Variants in FANK1 observed in about 807,000 individuals in gnomAD.
FANK1 encodes fibronectin type III and ankyrin repeat domains 1, also known as fibronectin type 3 and ankyrin repeat domains protein 1.
In FANK1, 44 loss-of-function variants were observed where a neutral mutation model predicts 45.3. The observed-to-expected ratio is 0.97, with a 90% CI of 0.76 to 1.25. The LOEUF (loss-of-function observed/expected upper bound fraction) is 1.25. FANK1 is among the 50% of genes most tolerant of loss of function. The probability of loss-of-function intolerance (pLI) is 0.00; values close to 1 mark genes in which losing one functional copy is unlikely to be tolerated. For synonymous variants in FANK1, 149 were observed against 152.5 expected (o/e 0.98, Z 0.17); for missense variants, 391 against 424.4 (o/e 0.92, Z 0.69).
chr10:125,902,072 T>C (rs12241761), intron 1 of FANK1, among the ~76,000 whole-genome samples: 2,932 of 152,100 alleles, frequency 0.019, 111 homozygotes, highest in African/African-American at 0.066. Flanking sequence ...TGAGCCGAGA[T>C]AGCACCACTG....
chr10:125,971,837 T>C (rs558454012), intron 1 of FANK1, among the ~76,000 whole-genome samples: 44 of 152,260 alleles, frequency 2.9e-4, no homozygotes, highest in African/African-American at 8.7e-4. Flanking sequence ...TTAGCCAGGA[T>C]GGTCTCGATC....
At chr10:125,944,126 T>C (rs971525489) in intron 1 of FANK1, among the ~76,000 whole-genome samples, 1 of 152,246 alleles carries the variant, frequency 6.6e-6, no homozygotes, top group Admixed American at 6.5e-5. Flanking sequence ...AGTTAAAAGT[T>C]GGTTTGCTGT....
chr10:125,996,995 C>G (rs1176564809), intron 5 of FANK1, among the ~76,000 whole-genome samples: 3 of 151,890 alleles, frequency 2.0e-5, no homozygotes, highest in African/African-American at 7.3e-5. Flanking sequence ...CAGATACACT[C>G]TCATTATCTG....
chr10:125,973,451 C>T, intron 1 of FANK1: 6 of 985,386 alleles, frequency 6.1e-6, no homozygotes, highest in Non-Finnish European at 7.2e-6. Context: ...TGTGACATCA[C>T]CAGCCAGAAT....
chr10:126,004,597 C>T (rs1326148225), intron 6 of FANK1: 9 of 329,054 alleles, frequency 2.7e-5, no homozygotes, highest in South Asian at 6.7e-5. Context: ...CTGGACATTT[C>T]GTATAAATGG....
intron 1 of FANK1, among the ~76,000 whole-genome samples, chr10:125,901,837 C>G (rs1945061075): frequency 1.3e-5 from 2 of 152,302 alleles, no homozygotes; most frequent in Non-Finnish European, 2.9e-5. Context: ...TATTTAAAAT[C>G]TAGCTGGACG....
At chr10:125,961,548 TAAACTC>T (rs903376753) in intron 1 of FANK1, among the ~76,000 whole-genome samples, 9 of 151,900 alleles carry the variant, frequency 5.9e-5, no homozygotes, top group African/African-American at 1.9e-4. Flanking sequence ...TATATGAAAA[TAAACTC>T]AAAATGGATC....
rs566300293 is a variant in FANK1, at chr10:125,971,665, A to AGGCTGGAGTG, written c.14-8495_14-8486dup. On this transcript the variant is annotated intron_variant, in intron 1 of 10. Transcript: ENST00000368693. ...GAGACGGAGTCTCGCTCCGTCGCCCAGGCTGGAGTGCGGTGGCATGATCTT... is the reference window on the plus strand; with the variant it reads ...GAGACGGAGTCTCGCTCCGTCGCCCAGGCTGGAGTGGGCTGGAGTGCGGTGGCATGATCTT... 3.5e-4 allele frequency among the ~76,000 whole-genome samples: 53 copies of AGGCTGGAGTG among 152,210 alleles called. No individual in the cohort carries two copies. In the East Asian group the frequency reaches 8.4e-3, roughly 24 times the overall value.
intron 1 of FANK1, among the ~76,000 whole-genome samples, chr10:125,930,889 C>A (rs921067789): frequency 1.3e-5 from 2 of 152,130 alleles, no homozygotes; most frequent in African/African-American, 4.8e-5. Flanking sequence ...ACCCCCAAGT[C>A]CCCAAAGTCC....
At chr10:125,932,192 T>C (rs1947796964) in intron 1 of FANK1, among the ~76,000 whole-genome samples, 1 of 152,222 alleles carries the variant, frequency 6.6e-6, no homozygotes, top group African/African-American at 2.4e-5. Flanking sequence ...GGCTCTTTTT[T>C]GGTTCCATAT....
At chr10:125,963,709 C>T (rs1345849261) in intron 1 of FANK1, among the ~76,000 whole-genome samples, 1 of 151,990 alleles carries the variant, frequency 6.6e-6, no homozygotes, top group African/African-American at 2.4e-5. Flanking sequence ...CACTTGAACA[C>T]AGGAAGGGGA....
At chr10:125,994,662 G>A in intron 3 of FANK1, 1 of 985,398 alleles carries the variant, frequency 1.0e-6, no homozygotes, top group Non-Finnish European at 1.2e-6. Context: ...GTAGAATAAA[G>A]AACAAATGAA....
At chr10:125,961,274 CTT>C (rs1564916668) in intron 1 of FANK1, among the ~76,000 whole-genome samples, 1 of 152,102 alleles carries the variant, frequency 6.6e-6, no homozygotes, top group East Asian at 1.9e-4. Flanking sequence ...GCCTAGCTAA[CTT>C]TTAAAAATTT....
intron 2 of FANK1, among the ~76,000 whole-genome samples, chr10:125,986,023 T>G (rs1352640709): frequency 6.6e-6 from 1 of 152,184 alleles, no homozygotes; most frequent in Non-Finnish European, 1.5e-5. Context: ...CAGATTCTCT[T>G]CTACCACTTC....
At chr10:125,907,104 T>C (rs750738828) in intron 1 of FANK1, among the ~76,000 whole-genome samples, 14 of 152,342 alleles carry the variant, frequency 9.2e-5, no homozygotes, top group Admixed American at 1.3e-4. Flanking sequence ...GATCAAATGG[T>C]AAGTGATGCT....
chr10:125,945,603 C>T (rs1389759068), intron 1 of FANK1, among the ~76,000 whole-genome samples: 1 of 152,198 alleles, frequency 6.6e-6, no homozygotes, highest in Non-Finnish European at 1.5e-5. Flanking sequence ...GGGTCCTACG[C>T]CCACGGAATC....
At chr10:125,928,579 T>C (rs1316222217) in intron 1 of FANK1, among the ~76,000 whole-genome samples, 1 of 152,216 alleles carries the variant, frequency 6.6e-6, no homozygotes, top group Non-Finnish European at 1.5e-5. Context: ...ATGGAGTTGC[T>C]CTTTTTCAAA....
At chr10:126,006,730 G>A (rs747961440) in intron 7 of FANK1, among the ~76,000 whole-genome samples, 1 of 152,144 alleles carries the variant, frequency 6.6e-6, no homozygotes, top group African/African-American at 2.4e-5. Context: ...CGTGGTGGTG[G>A]GCACCTGTAA....
rs1463714562 is a variant in FANK1 at position 125,949,278 on chromosome 10, G to T, written c.14-30883G>T. Among the ~76,000 whole-genome samples the T allele has an allele frequency of 7.3e-5, 11 of 150,394 alleles. No individual in the cohort carries two copies. The East Asian group carries it at 1.2e-3, about 16-fold the overall frequency. ...TGTAAGTTCTGGCCAGGGCAATTAG[G>T]CAGGAGAAGGAAATAAAGGGTATTC... On this transcript the variant is annotated intron_variant, in intron 1 of 10. Transcript: ENST00000368693.
Sources: gnomAD v4.1 joint callset for allele counts (sites outside exome capture counted in the v4.1 genomes callset) on GRCh38, gnomAD v4.1.1 for gene constraint, MANE v1.5 for transcripts, NCBI Gene and HGNC (gene_info 2026-07-23, HGNC 2026-07-21) for gene names.